Variants in MUC6 observed in about 807,000 individuals in gnomAD.
The protein encoded by MUC6 is mucin-6.
MUC6 carries 188 observed loss-of-function variants against 201.5 expected under a neutral mutation model. That is an observed-to-expected ratio of 0.93 (90% CI 0.83 to 1.05). MUC6 has a LOEUF of 1.05. Ranked by LOEUF, MUC6 falls within the 50% of genes least tolerant of loss-of-function variation. The pLI is 0.00. For missense variants in MUC6, 2,706 were observed against 3,256.9 expected (o/e 0.83, Z 4.12); for synonymous variants, 1,228 against 1,389.4 (o/e 0.88, Z 2.58).
Position 1,030,476 on chromosome 11 carries a change from G to A in MUC6, c.892+97C>T. 3 of 1,434,434 alleles carry A rather than the reference G, an allele frequency of 2.1e-6. No homozygotes were observed. In the South Asian group the frequency reaches 4.1e-5, roughly 20 times the overall value. 88.9% of individuals were successfully genotyped at this position (1,434,434 alleles called of 1,614,324 possible). ...GGATCTCCTGTCTCTCAGACCAGGA[G>A]GGATGCAGGCGTCACGTCAGGCAGT... is the stretch of plus-strand genomic sequence containing the variant. On this transcript the variant is annotated intron_variant, in intron 7 of 32. Transcript: ENST00000421673.
rs892187713 is a variant in MUC6 at position 1,029,365 on chromosome 11, G to A, written c.1138C>T (p.Arg380Trp). ...CACACCCAGCGGCCCAGGGTGCACC[G>A]GCTGTGGGTGGGCGTGGGGGTAGCG... ...EVTIAACQTC[R>W]CTLGRWVCTE... The change falls in exon 10 of 33, where the codon CGG becomes TGG. Residue 380 changes from arginine to tryptophan, a missense_variant and splice_region_variant. By Grantham distance (101) the Arg-to-Trp change is moderately radical. Around this residue, in one of 10 missense-constraint regions of MUC6, gnomAD observed 1,850 missense variants for 1,958.3 expected, o/e 0.94. Transcript: ENST00000421673. The A allele has an allele frequency of 1.1e-5, 17 of 1,595,956 alleles. No homozygotes were observed. Among genetic ancestry groups the A allele is most frequent in the Admixed American group, 3.4e-5 (2 of 57,984 alleles).
intron 32 of MUC6, 77 bp downstream of exon 32, chr11:1,013,822 G>T: frequency 6.8e-7 from 1 of 1,474,096 alleles, no homozygotes; most frequent in Non-Finnish European, 9.2e-7. Flanking sequence ...CGCCTGGGTG[G>T]GGTGCCCGAA....
intron 26 of MUC6, 121 bp from the exon 27 acceptor site, chr11:1,021,398 T>G (rs1298284116): frequency 3.0e-5 from 16 of 538,710 alleles, no homozygotes; most frequent in Non-Finnish European, 4.2e-5. Flanking sequence ...TGAGACAGAG[T>G]CTCGCTCTGT....
rs1857095984 is a variant in MUC6 at position 1,031,220 on chromosome 11, G to A, written c.523C>T (p.Leu175Phe). 1.3e-6 allele frequency: 2 copies of A among 1,587,918 alleles called. No individual in the cohort carries two copies. The highest frequency in any genetic ancestry group is 2.3e-5 in the East Asian group (1 of 43,176). The part of the protein sequence containing the change: ...ERKYMGQMCG[L>F]CGNFDGKVTN... Reference sequence around the variant, plus strand: ...ACCTTCCCGTCAAAGTTCCCGCAGAGCCCGCACATCTGACCCATGTACTTC... The same window carrying A: ...ACCTTCCCGTCAAAGTTCCCGCAGAACCCGCACATCTGACCCATGTACTTC... The change falls in exon 5 of 33, where the codon CTC (leucine) becomes TTC (phenylalanine). Residue 175 changes from leucine (L) to phenylalanine (F), a missense_variant. Leu to Phe is a conservative substitution (Grantham distance 22). This residue lies in a region of MUC6 where 1,850 missense variants were observed against 1,958.3 expected (regional missense o/e 0.94). Coordinates refer to ENST00000421673, the MANE Select transcript of MUC6 (RefSeq NM_005961.3).
At chr11:1,014,217 C>T (rs2133810034) in intron 31 of MUC6, among the ~76,000 whole-genome samples, 1 of 152,392 alleles carries the variant, frequency 6.6e-6, no homozygotes, top group South Asian at 2.1e-4. Flanking sequence ...CAAAGTCGCT[C>T]TGCTGGAGTC....
rs567743658 is a variant in MUC6, at chr11:1,028,133, C to T, written c.1754-74G>A. On this transcript the variant is annotated intron_variant, in intron 14 of 32. Transcript: ENST00000421673. Reference sequence around the variant, plus strand: ...TACGGCTCCTCCCAGGGACCCCCCACCCTGGCAGCTGGGCCTGTGGTCCAG... The same window carrying T: ...TACGGCTCCTCCCAGGGACCCCCCATCCTGGCAGCTGGGCCTGTGGTCCAG... 832 of 1,535,692 alleles carry T rather than the reference C, an allele frequency of 5.4e-4. 5 individuals are homozygous for T. In the African/African-American group the frequency reaches 9.9e-3, roughly 18 times the overall value.
In MUC6 at chr11:1,032,142, C is replaced by G; in HGVS notation, c.116-89G>C. On this transcript the variant is annotated intron_variant, in intron 2 of 32. Coordinates refer to ENST00000421673, the MANE Select transcript of MUC6 (RefSeq NM_005961.3). ...GCAGGCAGAGAGGTCACTCGTCTCCCTGGGCCAGGGTTTTTGAGTTGGGGC... is the reference window on the plus strand; with the variant it reads ...GCAGGCAGAGAGGTCACTCGTCTCCGTGGGCCAGGGTTTTTGAGTTGGGGC... The G allele has an allele frequency of 6.6e-6, 10 of 1,523,350 alleles. No homozygotes were observed. The South Asian group carries it at 1.2e-4, about 19-fold the overall frequency. The allele number at this position is 1,523,350 out of a possible 1,614,324, so 94.4% of individuals were successfully genotyped here. A position where few individuals can be genotyped will look rare whatever the true frequency, so the allele number is the denominator to read the frequency against.
At chr11:1,034,808 G>C (rs1857180762) in intron 1 of MUC6, among the ~76,000 whole-genome samples, 1 of 152,170 alleles carries the variant, frequency 6.6e-6, no homozygotes, top group South Asian at 2.1e-4. Context: ...ACTGCCCCGG[G>C]TGGGTGCCTC....
intron 19 of MUC6, among the ~76,000 whole-genome samples, chr11:1,026,680 A>T (rs1856967501): frequency 6.6e-6 from 1 of 152,216 alleles, no homozygotes; most frequent in Admixed American, 6.5e-5. Flanking sequence ...GACCCAGTGC[A>T]CACGGCTGGG....
chr11:1,026,549 C>CT (rs1015806474), intron 19 of MUC6, 71 bp from the exon 20 acceptor site: 2 of 1,430,922 alleles, frequency 1.4e-6, no homozygotes, highest in African/African-American at 1.4e-5. Context: ...CTGGGCCCCT[C>CT]TGAGACTGCC....
chr11:1,015,767 G>A lies in MUC6; in HGVS notation c.7034C>T (p.Ser2345Leu). The A allele has an allele frequency of 6.5e-7, 1 of 1,532,114 alleles. No homozygotes were observed. The allele number at this position is 1,532,114 out of a possible 1,614,324, so 94.9% of individuals were successfully genotyped here. ...VSSLGTPTPT[S>L]PGVCSVREQQ... ...GCCACAGAGATGCCACTTACCGGGT[G>A]AGGTGGGCGTAGGTGTCCCGAGAGA... The change falls in exon 31 of 33, where the codon TCA (serine) becomes TTA (leucine). Residue 2345 changes from serine to leucine, a missense_variant. Physicochemically the swap from Ser to Leu is moderately radical, Grantham distance 145. This residue lies in a region of MUC6 where 586 missense variants were observed against 488.0 expected (regional missense o/e 1.20). Coordinates refer to ENST00000421673, the MANE Select transcript of MUC6 (RefSeq NM_005961.3).
intron 26 of MUC6, among the ~76,000 whole-genome samples, chr11:1,022,033 C>T (rs940232157): frequency 6.6e-6 from 1 of 151,908 alleles, no homozygotes; most frequent in African/African-American, 2.4e-5. Context: ...CCACACCCCT[C>T]TGCAGCCCGG....
intron 28 of MUC6, 61 bp from the exon 29 acceptor site, chr11:1,020,318 T>C: frequency 6.5e-7 from 1 of 1,535,660 alleles, no homozygotes; most frequent in Non-Finnish European, 8.8e-7. Flanking sequence ...GGGAGCACCC[T>C]CCCCTCTGCC....
Position 1,025,254 on chromosome 11 carries a change from G to C in MUC6, c.2913C>G (p.Pro971=). ...AGATGAGCGTCAGGTTGTACCTCCC[G>C]GGGATGCTGATGTCCACGACAAGGC... ...ALSLVVDISI[P]GRYNLTLIWN... The change falls in exon 23 of 33, where the codon CCC becomes CCG. Residue 971 remains proline (P), a synonymous_variant. Transcript: ENST00000421673. The C allele has an allele frequency of 1.2e-6, 2 of 1,612,796 alleles. No individual in the cohort carries two copies. Among genetic ancestry groups the C allele is most frequent in the Non-Finnish European group, 1.7e-6 (2 of 1,179,850 alleles).
rs192373492 is a variant in MUC6 at position 1,028,368 on chromosome 11, G to A, written c.1611C>T (p.Asn537=). The part of the protein sequence containing the change: ...GQTRGLCGNF[N]GDTTDDFTTS... ...TGGTGAAGTCATCCGTTGTGTCCCC[G>A]TTGAAGTTGCCGCAGAGCCCTGAGC... Residue 537 remains asparagine, a synonymous_variant, in exon 14 of 33, where the codon AAC becomes AAT. Coordinates refer to ENST00000421673, the MANE Select transcript of MUC6 (RefSeq NM_005961.3). 1,710 of 1,612,436 alleles carry A rather than the reference G, an allele frequency of 1.1e-3. 29 individuals are homozygous for A. In the South Asian group the frequency reaches 0.017, roughly 16 times the overall value.
At position 1,035,981 on chromosome 11, in the gene MUC6, G is replaced by A. The variant is rs962426023; in HGVS notation, c.52+623C>T. Among the ~76,000 whole-genome samples, 50 of 152,114 alleles carry A rather than the reference G, an allele frequency of 3.3e-4. 1 individual carries two copies. The highest frequency in any genetic ancestry group is 1.1e-3 in the African/African-American group (47 of 41,410). ...CACCTGCAGCAGCCGCAGGGCAGGCGGTTGGCAGAGGATCCAGGATGTCAG... is the reference window on the plus strand; with the variant it reads ...CACCTGCAGCAGCCGCAGGGCAGGCAGTTGGCAGAGGATCCAGGATGTCAG... On this transcript the variant is annotated intron_variant, in intron 1 of 32. Transcript: ENST00000421673.
rs547431970 is a variant in MUC6, at chr11:1,029,847, G to T, written c.1016-232C>A. Among the ~76,000 whole-genome samples, 3 of 152,314 alleles carry T rather than the reference G, an allele frequency of 2.0e-5. No individual in the cohort carries two copies. In the South Asian group the frequency reaches 6.2e-4, roughly 32 times the overall value. On this transcript the variant is annotated intron_variant, in intron 8 of 32. Coordinates refer to ENST00000421673, the MANE Select transcript of MUC6 (RefSeq NM_005961.3). ...CGCAACTCTATGTCAGGCCCTGGGC[G>T]TGCACAGCCCCTCGTGCCAATGTGC... is the stretch of plus-strand genomic sequence containing the variant.
At position 1,014,019 on chromosome 11, in the gene MUC6, G is replaced by A. The variant is rs373554324; in HGVS notation, c.7040-18C>T. 9.6e-5 allele frequency: 152 copies of A among 1,584,628 alleles called. 1 individual carries two copies. Among genetic ancestry groups the A allele is most frequent in the East Asian group, 2.3e-4 (10 of 43,618 alleles). ...GCAGACCCCTGGTAGCCGAGTGGAC[G>A]GTCAGCAGCGCCCAGGGTGGGCATG... On this transcript the variant is annotated intron_variant, in intron 31 of 32. Transcript: ENST00000421673.
At chr11:1,024,582 A>AG (rs980924914) in intron 24 of MUC6, among the ~76,000 whole-genome samples, 1 of 152,188 alleles carries the variant, frequency 6.6e-6, no homozygotes, top group African/African-American at 2.4e-5. Context: ...ATGCTGCCCC[A>AG]GGGGACTCGT....
Sources: allele counts gnomAD v4.1 joint callset (sites outside exome capture counted in the v4.1 genomes callset), GRCh38; gene constraint gnomAD v4.1.1; regional missense constraint gnomAD v4.1.1; transcripts MANE v1.5; gene names NCBI Gene and HGNC (gene_info 2026-07-23, HGNC 2026-07-21).